KLHL1: variants seen among roughly 807,000 people sequenced by gnomAD.
The protein encoded by KLHL1 is kelch-like protein 1.
A neutral mutation model predicts 77.7 loss-of-function variants in KLHL1; 47 were observed. The observed-to-expected ratio is 0.60, with a 90% CI of 0.48 to 0.77. KLHL1 has a LOEUF of 0.77. KLHL1 is among the 30% of genes least tolerant of loss of function. The probability of loss-of-function intolerance (pLI) is 0.00; values close to 1 mark genes in which losing one functional copy is unlikely to be tolerated. For missense variants in KLHL1, 925 were observed against 910.8 expected, an observed-to-expected ratio of 1.02 and a Z score of -0.20; for synonymous variants, 360 against 325.2, an observed-to-expected ratio of 1.11 and a Z score of -1.15.
At chr13:70,075,760 C>CATATAT (rs33971927) in intron 1 of KLHL1, among the ~76,000 whole-genome samples, 173 of 140,762 alleles carry the variant, frequency 1.2e-3, no homozygotes, top group South Asian at 2.6e-3. Flanking sequence ...CATACACACA[C>CATATAT]ATATATATAT....
intron 2 of KLHL1, among the ~76,000 whole-genome samples, chr13:69,970,493 C>T (rs1884352252): frequency 6.6e-6 from 1 of 152,058 alleles, no homozygotes; most frequent in African/African-American, 2.4e-5. Flanking sequence ...GTCCCAGGGG[C>T]AGTGATGTTA....
intron 1 of KLHL1, among the ~76,000 whole-genome samples, chr13:70,022,568 AATG>A (rs965812000): frequency 2.8e-5 from 4 of 140,614 alleles, no homozygotes; most frequent in South Asian, 2.4e-4. Flanking sequence ...AGAATGATAA[AATG>A]ATGAATTATT....
At chr13:69,764,244 A>C (rs967287571) in intron 7 of KLHL1, among the ~76,000 whole-genome samples, 2 of 152,210 alleles carry the variant, frequency 1.3e-5, no homozygotes, top group Non-Finnish European at 2.9e-5. Flanking sequence ...TGTTTAAATA[A>C]GGCAAATGTC....
intron 6 of KLHL1, among the ~76,000 whole-genome samples, chr13:69,821,203 T>G (rs1428413963): frequency 6.6e-6 from 1 of 152,224 alleles, no homozygotes; most frequent in Non-Finnish European, 1.5e-5. Flanking sequence ...GGTCATAGTT[T>G]GACAAACCCT....
At chr13:69,903,735 G>GGGTTCAA (rs1471622949) in intron 4 of KLHL1, among the ~76,000 whole-genome samples, 1 of 131,598 alleles carries the variant, frequency 7.6e-6, no homozygotes, top group Non-Finnish European at 1.5e-5. Flanking sequence ...TCCGCCTCCT[G>GGGTTCAA]GGTTCAAGCG....
chr13:70,089,057 G>A (rs1887614358), intron 1 of KLHL1, among the ~76,000 whole-genome samples: 2 of 152,134 alleles, frequency 1.3e-5, no homozygotes. Flanking sequence ...GACTAACTAT[G>A]GCATTCTAGC....
At chr13:69,973,133 G>A (rs1367817128) in intron 2 of KLHL1, among the ~76,000 whole-genome samples, 3 of 151,782 alleles carry the variant, frequency 2.0e-5, no homozygotes, top group Non-Finnish European at 2.9e-5. Flanking sequence ...TAGCCTTTCA[G>A]ACCTTATCTA....
chr13:69,875,143 A>G (rs894216276), intron 5 of KLHL1, among the ~76,000 whole-genome samples: 22 of 152,110 alleles, frequency 1.4e-4, no homozygotes, highest in Admixed American at 7.9e-4. Context: ...GATTGGGGGG[A>G]AAATTACACC....
At chr13:69,975,854 A>G (rs1205923054) in intron 1 of KLHL1, 52 bp from the exon 2 acceptor site, 6 of 1,485,388 alleles carry the variant, frequency 4.0e-6, no homozygotes, top group Non-Finnish European at 5.3e-6. Context: ...AGGGATTTAT[A>G]AAGAGCCAAT....
At chr13:69,850,064 G>A (rs973397451) in intron 5 of KLHL1, among the ~76,000 whole-genome samples, 5 of 151,258 alleles carry the variant, frequency 3.3e-5, no homozygotes, top group African/African-American at 9.7e-5. Flanking sequence ...AGTCACATTC[G>A]ATAGCAAAAA....
intron 5 of KLHL1, among the ~76,000 whole-genome samples, chr13:69,846,736 CAA>C (rs10542094): frequency 0.048 from 7,260 of 151,398 alleles, 249 homozygotes; most frequent in African/African-American, 0.088. Context: ...ACCACATGAT[CAA>C]AATAGTCACA....
chr13:70,019,201 G>C (rs552957032), intron 1 of KLHL1, among the ~76,000 whole-genome samples: 1 of 152,192 alleles, frequency 6.6e-6, no homozygotes, highest in South Asian at 2.1e-4. Flanking sequence ...TCTGTGTTAT[G>C]AGGCAGCAGA....
chr13:70,088,784 T>C (rs1338193030), intron 1 of KLHL1, among the ~76,000 whole-genome samples: 1 of 152,174 alleles, frequency 6.6e-6, no homozygotes, highest in Non-Finnish European at 1.5e-5. Flanking sequence ...TTAGACATTT[T>C]TCTCATTTAT....
intron 1 of KLHL1, among the ~76,000 whole-genome samples, chr13:69,987,900 A>C (rs1884916064): frequency 6.6e-6 from 1 of 152,054 alleles, no homozygotes; most frequent in Non-Finnish European, 1.5e-5. Context: ...ATGTAGAATA[A>C]ACTGCTACTT....
intron 1 of KLHL1, among the ~76,000 whole-genome samples, chr13:70,086,555 A>G (rs1887540595): frequency 7.5e-6 from 1 of 133,306 alleles, no homozygotes; most frequent in African/African-American, 2.8e-5. Flanking sequence ...CCTGGGTGAC[A>G]GAGGGAAGCT....
chr13:69,912,445 TGACAA>T (rs1286270926), intron 4 of KLHL1, among the ~76,000 whole-genome samples: 3 of 152,224 alleles, frequency 2.0e-5, no homozygotes, highest in Non-Finnish European at 1.5e-5. Flanking sequence ...CTCCTTGCAA[TGACAA>T]ACTCAATAGC....
chr13:69,734,498 A>C (rs1397249944), intron 8 of KLHL1, among the ~76,000 whole-genome samples: 1 of 125,666 alleles, frequency 8.0e-6, no homozygotes, highest in Non-Finnish European at 1.7e-5. Flanking sequence ...GAATTTAAAG[A>C]CGAGTAAGTA....
chr13:69,843,811 C>CT (rs112132375), intron 5 of KLHL1, among the ~76,000 whole-genome samples: 2 of 150,390 alleles, frequency 1.3e-5, no homozygotes, highest in East Asian at 2.0e-4. Flanking sequence ...TTAGCTTAGA[C>CT]TTTTTTTTTA....
At chr13:69,825,498 G>A (rs2138085171) in intron 6 of KLHL1, among the ~76,000 whole-genome samples, 1 of 152,190 alleles carries the variant, frequency 6.6e-6, no homozygotes, top group Non-Finnish European at 1.5e-5. Flanking sequence ...CCTGGGGAAT[G>A]GGGATCTAAT....
Sources: allele counts gnomAD v4.1 joint callset (sites outside exome capture counted in the v4.1 genomes callset), GRCh38; gene constraint gnomAD v4.1.1; transcripts MANE v1.5; gene names NCBI Gene and HGNC (gene_info 2026-07-23, HGNC 2026-07-21).